SAMMSON: variants seen among roughly 807,000 people sequenced by gnomAD.
The protein encoded by SAMMSON is long intergenic non-protein coding RNA 1212.
chr3:70,227,648 A>G (rs1701520709), intron 4 of SAMMSON, among the ~76,000 whole-genome samples: 1 of 152,214 alleles, frequency 6.6e-6, no homozygotes, highest in Non-Finnish European at 1.5e-5. Context: ...TTTTGCACCA[A>G]CCTAATAATA....
chr3:70,378,979 TTTTATTTATTTATTTATTTA>T (rs145138282), intron 9 of SAMMSON, among the ~76,000 whole-genome samples: 47 of 141,492 alleles, frequency 3.3e-4, no homozygotes, highest in African/African-American at 1.0e-3. Context: ...ATACTTACAC[TTTTATTTATTTATTTATTTA>T]TTTATTTATT....
chr3:70,050,705 C>T (rs1329279659), intron 3 of SAMMSON, among the ~76,000 whole-genome samples: 1 of 152,024 alleles, frequency 6.6e-6, no homozygotes, highest in African/African-American at 2.4e-5. Context: ...ATTCAGTGAT[C>T]AATGATCAGT....
At chr3:70,053,596 G>T (rs548092381) in intron 3 of SAMMSON, among the ~76,000 whole-genome samples, 1 of 152,108 alleles carries the variant, frequency 6.6e-6, no homozygotes, top group Non-Finnish European at 1.5e-5. Flanking sequence ...GTAAGATACT[G>T]TCTGTGAAAT....
chr3:70,156,608 A>T (rs2067593168), intron 4 of SAMMSON, among the ~76,000 whole-genome samples: 1 of 152,100 alleles, frequency 6.6e-6, no homozygotes, highest in South Asian at 2.1e-4. Flanking sequence ...AATGTATTTT[A>T]AAAAAAGAAG....
At chr3:70,294,734 C>T (rs1702273688) in intron 7 of SAMMSON, among the ~76,000 whole-genome samples, 1 of 152,042 alleles carries the variant, frequency 6.6e-6, no homozygotes, top group South Asian at 2.1e-4. Context: ...GGCACAACAC[C>T]ACTTTTAAGA....
chr3:70,268,982 C>T (rs1351667963), intron 6 of SAMMSON, among the ~76,000 whole-genome samples: 1 of 151,910 alleles, frequency 6.6e-6, no homozygotes, highest in East Asian at 1.9e-4. Context: ...TCTTAACCTT[C>T]TTGTATATTA....
intron 4 of SAMMSON, among the ~76,000 whole-genome samples, chr3:70,248,578 G>A (rs1172061246): frequency 1.3e-5 from 2 of 152,032 alleles, no homozygotes; most frequent in African/African-American, 4.8e-5. Flanking sequence ...GAAAGAGAAT[G>A]TTGGCAGCAG....
chr3:70,325,752 G>A (rs906616467), intron 7 of SAMMSON, among the ~76,000 whole-genome samples: 1 of 152,052 alleles, frequency 6.6e-6, no homozygotes, highest in Non-Finnish European at 1.5e-5. Context: ...TAAAAACAAA[G>A]GGCCAGTCCT....
rs541266176 is a variant in SAMMSON, at chr3:70,212,521, A to C, written n.508-36586A>C. ...TTCTTATTTATTCTTCCTACTAAACATCTCTCAAGTCCGTGTCTGCTTTTT... is the reference window on the plus strand; with the variant it reads ...TTCTTATTTATTCTTCCTACTAAACCTCTCTCAAGTCCGTGTCTGCTTTTT... On this transcript the variant is annotated intron_variant and non_coding_transcript_variant, in intron 4 of 9. Coordinates refer to ENST00000642114, the Ensembl canonical transcript of SAMMSON. Among the ~76,000 whole-genome samples the C allele has an allele frequency of 3.9e-5, 6 of 152,132 alleles. 1 individual carries two copies. In the South Asian group the frequency reaches 1.2e-3, roughly 32 times the overall value.
At chr3:70,178,945 G>A (rs1284813807) in intron 4 of SAMMSON, among the ~76,000 whole-genome samples, 2 of 152,134 alleles carry the variant, frequency 1.3e-5, no homozygotes, top group African/African-American at 4.8e-5. Context: ...AGGCTGCAGT[G>A]AGCCATGATC....
intron 7 of SAMMSON, among the ~76,000 whole-genome samples, chr3:70,346,738 A>G (rs1702754128): frequency 6.6e-6 from 1 of 152,168 alleles, no homozygotes; most frequent in Non-Finnish European, 1.5e-5. Flanking sequence ...ATAATTTCTA[A>G]TTCTAAAATT....
intron 4 of SAMMSON, among the ~76,000 whole-genome samples, chr3:70,168,580 A>C (rs938808404): frequency 6.6e-6 from 1 of 152,028 alleles, no homozygotes; most frequent in African/African-American, 2.4e-5. Flanking sequence ...CTAAAAGAAC[A>C]CAAACGATTG....
rs146441982 is a variant in SAMMSON at position 70,173,853 on chromosome 3, A to T, written n.508-75254A>T. Among the ~76,000 whole-genome samples, 546 of 152,056 alleles carry T rather than the reference A, an allele frequency of 3.6e-3. 2 individuals carry two copies. Among genetic ancestry groups the T allele is most frequent in the African/African-American group, 0.012 (510 of 41,530 alleles). On this transcript the variant is annotated intron_variant and non_coding_transcript_variant, in intron 4 of 9. Transcript: ENST00000642114. Reference sequence around the variant, plus strand: ...GTGATATTTTGTTACTTTTCATTATAAGAAACAACTTAATGCATTTAAGTT... The same window carrying T: ...GTGATATTTTGTTACTTTTCATTATTAGAAACAACTTAATGCATTTAAGTT...
At chr3:70,224,255 C>A (rs144029320) in intron 4 of SAMMSON, among the ~76,000 whole-genome samples, 2 of 152,168 alleles carry the variant, frequency 1.3e-5, no homozygotes, top group South Asian at 4.1e-4. Flanking sequence ...TCTACATGCA[C>A]CTGACATGTT....
chr3:70,008,859 A>G (rs1259138993), intron 1 of SAMMSON, among the ~76,000 whole-genome samples: 1 of 152,180 alleles, frequency 6.6e-6, no homozygotes, highest in Non-Finnish European at 1.5e-5. Flanking sequence ...GCGTTGTTGA[A>G]TTTTGTGAAA....
chr3:70,285,052 C>CT (rs962094464), intron 6 of SAMMSON, among the ~76,000 whole-genome samples: 16 of 146,160 alleles, frequency 1.1e-4, no homozygotes, highest in African/African-American at 3.0e-4. Context: ...TTTTTTTTAA[C>CT]TTTTTTTTTC....
chr3:70,135,615 A>G (rs1026530270), intron 4 of SAMMSON, among the ~76,000 whole-genome samples: 3 of 152,202 alleles, frequency 2.0e-5, no homozygotes, highest in African/African-American at 7.2e-5. Context: ...ACATAAGCCA[A>G]AGGAAAGCAA....
At chr3:70,401,046 T>C (rs9849450) in intron 2 of SAMMSON, among the ~76,000 whole-genome samples, 36,911 of 152,136 alleles carry the variant, frequency 0.24, 4,729 homozygotes, top group South Asian at 0.33. Context: ...CTAATGTCAA[T>C]GTTATCCACT....
chr3:70,169,733 G>A lies in SAMMSON; in HGVS notation n.508-79374G>A, dbSNP rs187415221. 1.3e-4 allele frequency among the ~76,000 whole-genome samples: 19 copies of A among 148,020 alleles called. No individual in the cohort carries two copies. In the Admixed American group the frequency reaches 1.3e-3, roughly 10 times the overall value. Reference sequence around the variant, plus strand: ...TCTAGGTAGACAATGCTCTAACCTTGTCAGAAGAGGATAATAAATTTAGAG... The same window carrying A: ...TCTAGGTAGACAATGCTCTAACCTTATCAGAAGAGGATAATAAATTTAGAG... On this transcript the variant is annotated intron_variant and non_coding_transcript_variant, in intron 4 of 9. Coordinates refer to ENST00000642114, the Ensembl canonical transcript of SAMMSON.
Sources: allele counts gnomAD v4.1 joint callset (sites outside exome capture counted in the v4.1 genomes callset), GRCh38; gene constraint gnomAD v4.1.1; transcripts MANE v1.5; gene names NCBI Gene and HGNC (gene_info 2026-07-23, HGNC 2026-07-21).